Variants in ZNF625 observed in about 807,000 individuals in gnomAD.
The protein encoded by ZNF625 is zinc finger protein 625.
Under a neutral mutation model 11.1 loss-of-function variants are expected in ZNF625, and 8 were observed. The observed-to-expected ratio is 0.72, with a 90% confidence interval of 0.42 to 1.30. The LOEUF is 1.30. Among genes scored for constraint, ZNF625 ranks in the 50% most tolerant of loss-of-function variants. The pLI is 0.01. For missense variants in ZNF625, 349 were observed against 447.6 expected, an observed-to-expected ratio of 0.78 and a Z score of 1.99; for synonymous variants, 145 against 153.4, an observed-to-expected ratio of 0.95 and a Z score of 0.41.
chr19:12,150,625 C>G (rs1458018205), intron 1 of ZNF625, among the ~76,000 whole-genome samples: 1 of 152,172 alleles, frequency 6.6e-6, no homozygotes, highest in Admixed American at 6.5e-5. Context: ...TCACAACTGT[C>G]CTGAATAAAG....
intron 1 of ZNF625, among the ~76,000 whole-genome samples, chr19:12,149,226 A>C (rs1046363904): frequency 4.0e-4 from 59 of 146,842 alleles, no homozygotes; most frequent in African/African-American, 1.5e-3. Context: ...CGGAGGTTGC[A>C]GTGAGCTGAG....
rs945518258 is a variant in ZNF625 at position 12,156,669 on chromosome 19, C to T, written c.-111G>A. 2.7e-5 allele frequency: 30 copies of T among 1,123,952 alleles called. No individual in the cohort carries two copies. In the African/African-American group the frequency reaches 3.8e-4, roughly 14 times the overall value. 69.6% of individuals were successfully genotyped at this position (1,123,952 alleles called of 1,614,324 possible). A position where few individuals can be genotyped will look rare whatever the true frequency, so the allele number is the denominator to read the frequency against. ...TATGGCGGAGGCACCTGGTCCCTCT[C>T]GGGGCCGGAAAACCGAGATCCCGAC... On this transcript the variant is annotated 5_prime_UTR_variant, in exon 1 of 4. Transcript: ENST00000439556.
chr19:12,153,716 G>T (rs2145614947), intron 1 of ZNF625, among the ~76,000 whole-genome samples: 1 of 150,980 alleles, frequency 6.6e-6, no homozygotes, highest in Admixed American at 6.6e-5. Flanking sequence ...AGTGATTCTG[G>T]CAGGCATATA....
chr19:12,146,380 G>A (rs1287298073), intron 3 of ZNF625, among the ~76,000 whole-genome samples, 156 bp from the exon 4 acceptor site: 1 of 152,114 alleles, frequency 6.6e-6, no homozygotes. Context: ...TCTACAAGAT[G>A]GCCCAGCTAT....
At chr19:12,151,391 T>TC (rs1220438858) in intron 1 of ZNF625, among the ~76,000 whole-genome samples, 1 of 149,156 alleles carries the variant, frequency 6.7e-6, no homozygotes, top group African/African-American at 2.5e-5. Context: ...TTTTTTTTTT[T>TC]TTTTTTTGAG....
chr19:12,156,285 G>A (rs1977024886), intron 1 of ZNF625, among the ~76,000 whole-genome samples: 1 of 152,160 alleles, frequency 6.6e-6, no homozygotes, highest in Non-Finnish European at 1.5e-5. Flanking sequence ...GCGGGACTAC[G>A]GGCGCGGAGC....
In ZNF625 at chr19:12,145,150, C is replaced by T. The variant is rs1185259419; in HGVS notation, c.*147G>A. On this transcript the variant is annotated 3_prime_UTR_variant, in exon 4 of 4. Transcript: ENST00000439556. ...TAAACTACTCCCAAAAATTTTTGCT[C>T]CTGGGCTACTGGCATTTATTTCTGA... The T allele has an allele frequency of 9.8e-7, 1 of 1,025,524 alleles. No individual in the cohort carries two copies. The highest frequency in any genetic ancestry group is 1.4e-6 in the Non-Finnish European group (1 of 702,340). The allele number at this position is 1,025,524 out of a possible 1,614,324, so 63.5% of individuals were successfully genotyped here. A position where few individuals can be genotyped will look rare whatever the true frequency, so the allele number is the denominator to read the frequency against.
intron 1 of ZNF625, among the ~76,000 whole-genome samples, chr19:12,155,348 A>G (rs370831504): frequency 1.3e-5 from 2 of 152,196 alleles, no homozygotes; most frequent in South Asian, 4.1e-4. Flanking sequence ...CTAGTGAAAC[A>G]TATCTGTTTT....
At chr19:12,146,825 A>G (rs1976881034) in intron 3 of ZNF625, among the ~76,000 whole-genome samples, 1 of 152,162 alleles carries the variant, frequency 6.6e-6, no homozygotes, top group Non-Finnish European at 1.5e-5. Flanking sequence ...AACCCAGGCT[A>G]GAGTGTAATG....
chr19:12,152,253 TAC>T (rs150706762), intron 1 of ZNF625, among the ~76,000 whole-genome samples: 1 of 152,098 alleles, frequency 6.6e-6, no homozygotes, highest in Admixed American at 6.6e-5. Context: ...TGTATATATA[TAC>T]ACACACACTA....
intron 1 of ZNF625, among the ~76,000 whole-genome samples, chr19:12,149,157 T>C (rs1172740264): frequency 6.6e-6 from 1 of 151,424 alleles, no homozygotes; most frequent in East Asian, 2.0e-4. Flanking sequence ...CGGTGGCGTA[T>C]GCCTGTAATC....
intron 1 of ZNF625, among the ~76,000 whole-genome samples, chr19:12,154,042 T>G (rs1321646418): frequency 2.0e-5 from 3 of 151,908 alleles, no homozygotes; most frequent in South Asian, 4.1e-4. Context: ...CTCCTGACCT[T>G]GTGATCCACC....
chr19:12,146,158 C>G lies in ZNF625; in HGVS notation c.258G>C (p.Gln86His). 6.2e-7 allele frequency: 1 copy of G among 1,614,142 alleles called. No homozygotes were observed. Among genetic ancestry groups the G allele is most frequent in the Non-Finnish European group, 8.5e-7 (1 of 1,180,030 alleles). Residue 86 changes from glutamine to histidine, a missense_variant, in exon 4 of 4, where the codon CAG (glutamine) becomes CAC (histidine). Transcript: ENST00000439556. ...KDHQHGEILTQVPDDMLKKKT... is the reference protein window; with the variant it reads ...KDHQHGEILTHVPDDMLKKKT... ...TCTTCTTCAGCATGTCATCTGGAAC[C>G]TGGGTCAAAATTTCTCCATGCTGAT...
In ZNF625 at chr19:12,149,726, A is replaced by G. The variant is rs147574124; in HGVS notation, c.4-1924T>C. On this transcript the variant is annotated intron_variant, in intron 1 of 3. Transcript: ENST00000439556. ...ACGTGAAAAAGGGTTCAACATCAGG[A>G]ATCATTCGGCAGAAGTATTTTTTTT... Among the ~76,000 whole-genome samples, 1,232 of 152,248 alleles carry G rather than the reference A, an allele frequency of 8.1e-3. 20 individuals carry two copies. Among genetic ancestry groups the G allele is most frequent in the African/African-American group, 0.028 (1,160 of 41,562 alleles).
intron 1 of ZNF625, among the ~76,000 whole-genome samples, chr19:12,148,889 TG>T (rs1027023916): frequency 2.0e-5 from 3 of 151,954 alleles, no homozygotes; most frequent in African/African-American, 7.2e-5. Context: ...CCCAAAGTGT[TG>T]GGATTACAGG....
rs1369922597 is a variant in ZNF625, at chr19:12,145,057, C to A, written c.*240G>T. The A allele has an allele frequency of 1.6e-5, 8 of 512,162 alleles. No individual in the cohort carries two copies. The highest frequency in any genetic ancestry group is 1.3e-4 in the African/African-American group (7 of 52,038). 31.7% of individuals were successfully genotyped at this position (512,162 alleles called of 1,614,324 possible). On this transcript the variant is annotated 3_prime_UTR_variant, in exon 4 of 4. Transcript: ENST00000439556. ...ATGACAGAACTGTCTTAAGGTCTTA[C>A]TGGAGGTGTGTCTCTCTTAAGAGTT...
rs758452513 is a variant in ZNF625 at position 12,145,713 on chromosome 19, G to A, written c.703C>T (p.Arg235Ter). ...CCAGTGTGAGTTCTTTCATGTATTC[G>A]AAGGCTACCAGAATGACTAAAGGCT... Reference protein sequence around the residue: ...GKAFSHSGSLRIHERTHTGEK... With the variant: ...GKAFSHSGSL The change falls in exon 4 of 4, where the codon CGA becomes TGA. Residue 235 changes from arginine to a stop codon, truncating the protein, a stop_gained. Transcript: ENST00000439556. LOFTEE classifies it low-confidence loss of function (END_TRUNC). 7.4e-6 allele frequency: 12 copies of A among 1,613,646 alleles called. No homozygotes were observed. The highest frequency in any genetic ancestry group is 3.3e-5 in the South Asian group (3 of 91,056).
At chr19:12,151,505 C>T (rs918735558) in intron 1 of ZNF625, among the ~76,000 whole-genome samples, 6 of 151,890 alleles carry the variant, frequency 4.0e-5, no homozygotes, top group Admixed American at 1.3e-4. Flanking sequence ...CTCAGCCTCC[C>T]GAGTAGCTGG....
At position 12,145,717 on chromosome 19, in the gene ZNF625, G is replaced by A. The variant is rs746985433; in HGVS notation, c.699C>T (p.Ser233=). 3 of 1,614,058 alleles carry A rather than the reference G, an allele frequency of 1.9e-6. No homozygotes were observed. The highest frequency in any genetic ancestry group is 2.7e-5 in the African/African-American group (2 of 74,996). Reference sequence around the variant, plus strand: ...TGTGAGTTCTTTCATGTATTCGAAGGCTACCAGAATGACTAAAGGCTTTAC... The same window carrying A: ...TGTGAGTTCTTTCATGTATTCGAAGACTACCAGAATGACTAAAGGCTTTAC... ...QCGKAFSHSG[S]LRIHERTHTG... Residue 233 remains serine (S), a synonymous_variant, in exon 4 of 4, where the codon AGC becomes AGT. Coordinates refer to ENST00000439556, the MANE Select transcript of ZNF625 (RefSeq NM_145233.4).
Sources: allele counts gnomAD v4.1 joint callset (sites outside exome capture counted in the v4.1 genomes callset), GRCh38; gene constraint gnomAD v4.1.1; transcripts MANE v1.5; gene names NCBI Gene and HGNC (gene_info 2026-07-23, HGNC 2026-07-21).